Variants in METTL24 observed in about 807,000 individuals in gnomAD.
METTL24 encodes methyltransferase like 24.
In METTL24, 29 loss-of-function variants were observed where a neutral mutation model predicts 32.7. That is an observed-to-expected ratio of 0.89 (90% CI 0.66 to 1.21). The LOEUF is 1.21. Ranked by LOEUF, METTL24 falls within the 50% of genes most tolerant of loss-of-function variation. The pLI, the probability that METTL24 is intolerant of heterozygous loss-of-function variation, is 0.00. For synonymous variants in METTL24, 163 were observed against 179.5 expected (o/e 0.91, Z 0.73); for missense variants, 439 against 468.1 (o/e 0.94, Z 0.57).
intron 3 of METTL24, among the ~76,000 whole-genome samples, chr6:110,300,875 T>A (rs567623858): frequency 3.5e-4 from 54 of 152,372 alleles, no homozygotes; most frequent in African/African-American, 1.3e-3. Context: ...TAATCACTAT[T>A]ACATGGCATT....
intron 4 of METTL24, among the ~76,000 whole-genome samples, chr6:110,277,805 T>C (rs1210657169): frequency 6.6e-6 from 1 of 152,100 alleles, no homozygotes; most frequent in Non-Finnish European, 1.5e-5. Flanking sequence ...CAAACACTTA[T>C]CTTAGCATGT....
At chr6:110,292,347 T>C (rs1771334984) in intron 4 of METTL24, among the ~76,000 whole-genome samples, 1 of 152,244 alleles carries the variant, frequency 6.6e-6, no homozygotes, top group Admixed American at 6.5e-5. Context: ...TTCCTGCGAC[T>C]TTTTATCTTT....
chr6:110,320,321 C>T (rs965156608), intron 2 of METTL24, among the ~76,000 whole-genome samples: 6 of 152,136 alleles, frequency 3.9e-5, no homozygotes, highest in African/African-American at 9.7e-5. Context: ...CTGCCAGTTT[C>T]GTAGGCTTTC....
intron 1 of METTL24, among the ~76,000 whole-genome samples, chr6:110,340,269 G>A (rs943625576): frequency 6.6e-6 from 1 of 152,124 alleles, no homozygotes. Context: ...TGACTCTAGG[G>A]GCTGTTGTCC....
In METTL24 at chr6:110,315,361, A is replaced by T. The variant is rs751847019; in HGVS notation, c.538T>A (p.Cys180Ser). The change falls in exon 3 of 5, where the codon TGC (cysteine) becomes AGC (serine). Residue 180 changes from cysteine (C) to serine (S), a missense_variant. Cys to Ser is a moderately radical substitution (Grantham distance 112). Coordinates refer to ENST00000338882, the MANE Select transcript of METTL24 (RefSeq NM_001123364.3). ...NLAHQIRNKQ[C>S]RLYSLGLGSD... ...ACTCACCCTAAGGAGTAGAGGCGGC[A>T]CTGCTTGTTGCGGATTTGATGAGCT... 6.2e-7 allele frequency: 1 copy of T among 1,614,166 alleles called. No individual in the cohort carries two copies. Among genetic ancestry groups the T allele is most frequent in the South Asian group, 1.1e-5 (1 of 91,078 alleles).
At chr6:110,341,281 C>T (rs1772351915) in intron 1 of METTL24, among the ~76,000 whole-genome samples, 1 of 152,166 alleles carries the variant, frequency 6.6e-6, no homozygotes, top group Non-Finnish European at 1.5e-5. Context: ...TAAGAACATT[C>T]CCTGTCCAGG....
chr6:110,297,340 C>T (rs1771438695), intron 4 of METTL24, among the ~76,000 whole-genome samples: 1 of 152,172 alleles, frequency 6.6e-6, no homozygotes, highest in African/African-American at 2.4e-5. Flanking sequence ...ATTATATCCG[C>T]AGATCACTTT....
intron 4 of METTL24, among the ~76,000 whole-genome samples, chr6:110,266,848 T>C (rs1385544295): frequency 6.6e-6 from 1 of 152,154 alleles, no homozygotes; most frequent in Non-Finnish European, 1.5e-5. Context: ...CAGAGCAAAA[T>C]GTAATCAGGA....
At chr6:110,248,302 T>A (rs1053436103) in intron 4 of METTL24, among the ~76,000 whole-genome samples, 2 of 152,330 alleles carry the variant, frequency 1.3e-5, no homozygotes, top group Admixed American at 6.5e-5. Flanking sequence ...CCTTGGGTGA[T>A]TTCAGAGTTG....
intron 1 of METTL24, among the ~76,000 whole-genome samples, chr6:110,350,398 A>C (rs1163015686): frequency 6.6e-6 from 1 of 152,136 alleles, no homozygotes; most frequent in East Asian, 1.9e-4. Flanking sequence ...CAACCCAGAG[A>C]GTCCTAACTG....
At chr6:110,340,369 C>T (rs1482481703) in intron 1 of METTL24, among the ~76,000 whole-genome samples, 1 of 152,164 alleles carries the variant, frequency 6.6e-6, no homozygotes, top group Non-Finnish European at 1.5e-5. Context: ...GGGCAGCTCT[C>T]AGTTAAAGAT....
intron 4 of METTL24, among the ~76,000 whole-genome samples, chr6:110,268,521 A>G (rs1770899482): frequency 6.6e-6 from 1 of 152,228 alleles, no homozygotes; most frequent in Non-Finnish European, 1.5e-5. Flanking sequence ...CAGCATGTGC[A>G]TGGCCTGCTT....
intron 1 of METTL24, among the ~76,000 whole-genome samples, chr6:110,341,203 C>T (rs1338266924): frequency 6.6e-6 from 1 of 152,116 alleles, no homozygotes; most frequent in Admixed American, 6.5e-5. Context: ...ATGACCATAA[C>T]AAGAAAGGAT....
intron 1 of METTL24, among the ~76,000 whole-genome samples, chr6:110,353,727 C>G (rs1013145718): frequency 6.6e-6 from 1 of 151,936 alleles, no homozygotes; most frequent in Non-Finnish European, 1.5e-5. Flanking sequence ...TTTCGGGAAG[C>G]TTGGCCACTG....
At chr6:110,291,433 C>T (rs963635477) in intron 4 of METTL24, among the ~76,000 whole-genome samples, 1 of 152,084 alleles carries the variant, frequency 6.6e-6, no homozygotes, top group Non-Finnish European at 1.5e-5. Flanking sequence ...TGTTCCAGCA[C>T]CATTTGTTGA....
intron 4 of METTL24, among the ~76,000 whole-genome samples, chr6:110,298,683 G>A (rs1290916653): frequency 6.6e-6 from 1 of 151,918 alleles, no homozygotes; most frequent in Non-Finnish European, 1.5e-5. Context: ...GCCTAGTCTT[G>A]GACAAGACCA....
chr6:110,338,434 G>A (rs1229921692), intron 1 of METTL24, among the ~76,000 whole-genome samples: 1 of 152,196 alleles, frequency 6.6e-6, no homozygotes, highest in Non-Finnish European at 1.5e-5. Context: ...GGAGGTGGAG[G>A]TTGCAGTGAG....
intron 3 of METTL24, among the ~76,000 whole-genome samples, chr6:110,306,561 CTA>C (rs1004334681): frequency 6.6e-6 from 1 of 151,746 alleles, no homozygotes; most frequent in Non-Finnish European, 1.5e-5. Flanking sequence ...TAACATAAAA[CTA>C]TTTGTAATTT....
At chr6:110,281,290 G>C (rs1324348752) in intron 4 of METTL24, among the ~76,000 whole-genome samples, 1 of 152,114 alleles carries the variant, frequency 6.6e-6, no homozygotes, top group African/African-American at 2.4e-5. Context: ...ATAGCCATAG[G>C]AAAGTAGTGG....
Sources: allele counts gnomAD v4.1 joint callset (sites outside exome capture counted in the v4.1 genomes callset), GRCh38; gene constraint gnomAD v4.1.1; transcripts MANE v1.5; gene names NCBI Gene and HGNC (gene_info 2026-07-23, HGNC 2026-07-21).